MYO9A: variants seen among roughly 807,000 people sequenced by gnomAD.
The protein encoded by MYO9A is myosin IXA.
MYO9A carries 103 observed loss-of-function variants against 293.3 expected under a neutral mutation model. The ratio of observed to expected loss-of-function variants is 0.35; its 90% confidence interval spans 0.30 to 0.41. The LOEUF is 0.41. MYO9A is among the 10% of genes least tolerant of loss of function. The probability of loss-of-function intolerance (pLI) is 1.00; values close to 1 mark genes in which losing one functional copy is unlikely to be tolerated. For missense variants in MYO9A, 2,685 were observed against 3,033.0 expected, an observed-to-expected ratio of 0.89 and a Z score of 2.69; for synonymous variants, 1,001 against 1,035.7, an observed-to-expected ratio of 0.97 and a Z score of 0.64.
At chr15:71,900,857 T>A (rs1470971790) in intron 23 of MYO9A, among the ~76,000 whole-genome samples, 1 of 152,162 alleles carries the variant, frequency 6.6e-6, no homozygotes. Context: ...ACGGTATATA[T>A]ACAACTCTCA....
At chr15:71,838,581 A>T (rs1026265798) in intron 39 of MYO9A, among the ~76,000 whole-genome samples, 2 of 152,188 alleles carry the variant, frequency 1.3e-5, no homozygotes, top group African/African-American at 4.8e-5. Context: ...CTAAAATGAG[A>T]ATATCAAATA....
chr15:71,965,100 T>C (rs758796543), intron 13 of MYO9A, among the ~76,000 whole-genome samples: 6 of 151,772 alleles, frequency 4.0e-5, no homozygotes, highest in African/African-American at 9.7e-5. Flanking sequence ...ATGTTCAGTA[T>C]AAAATATTAT....
intron 32 of MYO9A, among the ~76,000 whole-genome samples, chr15:71,863,244 T>TA (rs1179096579): frequency 1.3e-5 from 2 of 152,018 alleles, no homozygotes; most frequent in Non-Finnish European, 2.9e-5. Context: ...AAAATATATA[T>TA]TTTTTTGTAA....
chr15:71,935,430 T>C lies in MYO9A; in HGVS notation c.2433A>G (p.Leu811=), dbSNP rs768433823. The change falls in exon 17 of 42, where the codon CTA becomes CTG. Residue 811 remains leucine, a synonymous_variant. Transcript: ENST00000356056. The stretch of plus-strand genomic sequence containing the variant: ...TATCAAGCAAGGAGGTGCCACTTGA[T>C]AGTCTGCTCTGGCGAATCCCAGTTC... ...NGRTGIRQSR[L]SSGTSLLDKD... is the part of the protein sequence containing the mutation. 6.2e-7 allele frequency: 1 copy of C among 1,613,762 alleles called. No homozygotes were observed. Among genetic ancestry groups the C allele is most frequent in the East Asian group, 2.2e-5 (1 of 44,866 alleles).
At chr15:71,949,679 C>T (rs1417949573) in intron 15 of MYO9A, among the ~76,000 whole-genome samples, 12 of 145,150 alleles carry the variant, frequency 8.3e-5, no homozygotes, top group Non-Finnish European at 1.0e-4. Context: ...TTTTTTAATA[C>T]GGTTCCTGGG....
intron 1 of MYO9A, among the ~76,000 whole-genome samples, chr15:72,114,026 C>A (rs1341314479): frequency 4.6e-5 from 7 of 152,186 alleles, no homozygotes; most frequent in Admixed American, 4.6e-4. Flanking sequence ...AAGAAAGAAA[C>A]GGTATCTAGG....
chr15:72,103,721 A>G (rs940215811), intron 1 of MYO9A, among the ~76,000 whole-genome samples: 1 of 152,268 alleles, frequency 6.6e-6, no homozygotes, highest in Non-Finnish European at 1.5e-5. Flanking sequence ...AGATTACATA[A>G]TATACACATA....
chr15:71,867,555 C>A, intron 32 of MYO9A, among the ~76,000 whole-genome samples: 1 of 146,868 alleles, frequency 6.8e-6, no homozygotes. Flanking sequence ...AAGACCAAAG[C>A]CAAAAGAAAA....
chr15:71,879,385 C>T (rs948391707), intron 30 of MYO9A, among the ~76,000 whole-genome samples: 10 of 151,984 alleles, frequency 6.6e-5, no homozygotes, highest in Non-Finnish European at 1.2e-4. Context: ...ACATTATAGC[C>T]TAGCAATAGA....
In MYO9A at chr15:72,103,388, CAGCAGA is replaced by C. The variant is rs1416272439; in HGVS notation, c.-72+14286_-72+14291del. 2.8e-5 allele frequency among the ~76,000 whole-genome samples: 4 copies of C among 140,540 alleles called. No homozygotes were observed. The East Asian group carries it at 8.6e-4, about 30-fold the overall frequency. 92.2% of individuals were successfully genotyped at this position (140,540 alleles called of 152,430 possible). A position where few individuals can be genotyped will look rare whatever the true frequency, so the allele number is the denominator to read the frequency against. On this transcript the variant is annotated intron_variant, in intron 1 of 41. Coordinates refer to ENST00000356056, the MANE Select transcript of MYO9A (RefSeq NM_006901.4). ...GCAGCAGCAGAAGCAGAAGCAGCAGCAGCAGAAGCAGCAGCAAGCAGCAAGCAGCAG... is the reference window on the plus strand; with the variant it reads ...GCAGCAGCAGAAGCAGAAGCAGCAGCAGCAGCAGCAAGCAGCAAGCAGCAG...
chr15:71,938,945 A>T lies in MYO9A; in HGVS notation c.2303-18T>A. On this transcript the variant is annotated intron_variant, in intron 15 of 41. Transcript: ENST00000356056. Reference sequence around the variant, plus strand: ...GGTTATACCTAGCAAAATTTAAAAAACAGAAAATTTCAAATCAGTGCAAAG... The same window carrying T: ...GGTTATACCTAGCAAAATTTAAAAATCAGAAAATTTCAAATCAGTGCAAAG... The T allele has an allele frequency of 3.8e-6, 6 of 1,586,714 alleles. No homozygotes were observed. Among genetic ancestry groups the T allele is most frequent in the Non-Finnish European group, 5.2e-6 (6 of 1,163,822 alleles).
chr15:72,018,340 C>T (rs149647697), intron 6 of MYO9A, among the ~76,000 whole-genome samples: 117 of 152,064 alleles, frequency 7.7e-4, no homozygotes, highest in African/African-American at 2.5e-3. Flanking sequence ...TGGTGGCGCA[C>T]GCCTGTAATC....
At chr15:72,033,226 C>T (rs1351783131) in intron 2 of MYO9A, among the ~76,000 whole-genome samples, 1 of 151,934 alleles carries the variant, frequency 6.6e-6, no homozygotes, top group Non-Finnish European at 1.5e-5. Flanking sequence ...AGCCCCCCTA[C>T]AAAAAAGTCT....
chr15:71,948,846 G>A (rs1047837842), intron 15 of MYO9A, among the ~76,000 whole-genome samples: 5 of 151,762 alleles, frequency 3.3e-5, no homozygotes, highest in African/African-American at 1.2e-4. Flanking sequence ...CATAGCAACA[G>A]TGGATACTGT....
At chr15:71,906,596 C>T (rs1048437628) in intron 19 of MYO9A, among the ~76,000 whole-genome samples, 2 of 151,942 alleles carry the variant, frequency 1.3e-5, no homozygotes. Context: ...TCTACTTTGT[C>T]TGACTCTACT....
Position 71,825,995 on chromosome 15 carries a change from G to GTTTTGTTTTTTTTTTTTTT in MYO9A, c.*584_*585insAAAAAAAAAAAAAACAAAA, listed in dbSNP as rs1567169896. Reference sequence around the variant, plus strand: ...ATGGAAACAATCACGGTTTTTTTTTGTTTTTTTTTTTTTGTTTTTTTTTTT... The same window carrying GTTTTGTTTTTTTTTTTTTT: ...ATGGAAACAATCACGGTTTTTTTTTGTTTTGTTTTTTTTTTTTTTTTTTTTTTTTTTTGTTTTTTTTTTT... On this transcript the variant is annotated 3_prime_UTR_variant, in exon 42 of 42. Transcript: ENST00000356056. 3 of 91,520 alleles carry GTTTTGTTTTTTTTTTTTTT rather than the reference G, an allele frequency of 3.3e-5. No individual in the cohort carries two copies. Among genetic ancestry groups the GTTTTGTTTTTTTTTTTTTT allele is most frequent in the Admixed American group, 1.1e-4 (1 of 9,274 alleles). The allele number at this position is 91,520 out of a possible 1,614,324, so 5.7% of individuals were successfully genotyped here.
In MYO9A at chr15:71,968,043, C is replaced by A. The variant is rs1036266540; in HGVS notation, c.1927G>T (p.Val643Leu). Residue 643 changes from valine (V) to leucine (L), a missense_variant, in exon 13 of 42, where the codon GTG becomes TTG. Val to Leu is a conservative substitution (Grantham distance 32). Transcript: ENST00000356056. Reference sequence around the variant, plus strand: ...TTTATAATGAAAGCAGGCTCCATCACGGCTGGAAATTCGATGTAAGAATTA... The same window carrying A: ...TTTATAATGAAAGCAGGCTCCATCAAGGCTGGAAATTCGATGTAAGAATTA... The part of the protein sequence containing the change: ...EDNSYIEFPA[V>L]MEPAFIIKHY... 1 of 1,612,228 alleles carries A rather than the reference C, an allele frequency of 6.2e-7. No individual in the cohort carries two copies. The highest frequency in any genetic ancestry group is 1.7e-5 in the Admixed American group (1 of 59,888).
At chr15:72,092,011 C>T (rs556946528) in intron 1 of MYO9A, among the ~76,000 whole-genome samples, 13 of 152,134 alleles carry the variant, frequency 8.5e-5, no homozygotes, top group South Asian at 2.1e-4. Context: ...CCATCGCGCC[C>T]GGCGAAAAAT....
rs372510175 is a variant in MYO9A at position 72,045,880 on chromosome 15, C to T, written c.684G>A (p.Gln228=). ...VADVAYHAML[Q]RKKNQCIVIS... Reference sequence around the variant, plus strand: ...TCACGATGCACTGATTCTTTTTGCGCTGAAGCATGGCATGATAAGCTACAT... The same window carrying T: ...TCACGATGCACTGATTCTTTTTGCGTTGAAGCATGGCATGATAAGCTACAT... Residue 228 remains glutamine, a synonymous_variant, in exon 2 of 42, where the codon CAG becomes CAA. Transcript: ENST00000356056. The T allele has an allele frequency of 2.6e-5, 42 of 1,613,976 alleles. No homozygotes were observed. The highest frequency in any genetic ancestry group is 3.4e-5 in the Non-Finnish European group (40 of 1,180,038).
Sources: allele counts gnomAD v4.1 joint callset (sites outside exome capture counted in the v4.1 genomes callset), GRCh38; gene constraint gnomAD v4.1.1; transcripts MANE v1.5; gene names NCBI Gene and HGNC (gene_info 2026-07-23, HGNC 2026-07-21).